Variants in TRDN observed in about 807,000 individuals in gnomAD.
TRDN encodes the protein triadin.
In TRDN, 161 loss-of-function variants were observed where a neutral mutation model predicts 149.7. That is an observed-to-expected ratio of 1.08 (90% CI 0.95 to 1.23). The LOEUF (loss-of-function observed/expected upper bound fraction) is 1.23. TRDN is among the 50% of genes most tolerant of loss of function. The probability of loss-of-function intolerance (pLI) is 0.00; values close to 1 mark genes in which losing one functional copy is unlikely to be tolerated. For missense variants in TRDN, 896 were observed against 823.5 expected (o/e 1.09, Z -1.08); for synonymous variants, 294 against 250.5 (o/e 1.17, Z -1.64).
intron 21 of TRDN, among the ~76,000 whole-genome samples, chr6:123,341,853 GT>G (rs1269520930): frequency 1.3e-5 from 2 of 152,054 alleles, no homozygotes; most frequent in East Asian, 3.9e-4. Flanking sequence ...TGTTAAAACA[GT>G]GACATATACA....
At chr6:123,341,492 G>A (rs1780061203) in intron 21 of TRDN, among the ~76,000 whole-genome samples, 1 of 151,402 alleles carries the variant, frequency 6.6e-6, no homozygotes, top group Non-Finnish European at 1.5e-5. Flanking sequence ...TTATTTCATA[G>A]TCTTTATATT....
At chr6:123,289,373 G>A (rs994644111) in intron 24 of TRDN, among the ~76,000 whole-genome samples, 1 of 151,914 alleles carries the variant, frequency 6.6e-6, no homozygotes, top group Non-Finnish European at 1.5e-5. Context: ...AGGGTGCAAA[G>A]TTTCAGTTAA....
chr6:123,582,507 T>C (rs2114583519), intron 1 of TRDN, among the ~76,000 whole-genome samples: 1 of 128,120 alleles, frequency 7.8e-6, no homozygotes, highest in African/African-American at 2.9e-5. Context: ...GGGGTTGTTC[T>C]CTGGCAGGCA....
chr6:123,381,980 T>TCTCTCTCTCTCA (rs1205520635), intron 15 of TRDN, 138 bp downstream of exon 15: 2 of 572,494 alleles, frequency 3.5e-6, no homozygotes, highest in African/African-American at 2.0e-5. Flanking sequence ...TCTCTCTCTC[T>TCTCTCTCTCTCA]CTCTCTCTCA....
At chr6:123,491,307 GAT>G (rs1409268762) in intron 9 of TRDN, among the ~76,000 whole-genome samples, 3 of 152,028 alleles carry the variant, frequency 2.0e-5, no homozygotes, top group African/African-American at 4.8e-5. Flanking sequence ...ACTTATTAAA[GAT>G]ATATTCAAAA....
At chr6:123,375,457 G>T in intron 19 of TRDN, 148 bp downstream of exon 19, 1 of 611,578 alleles carries the variant, frequency 1.6e-6, no homozygotes, top group Non-Finnish European at 2.8e-6. Flanking sequence ...ACAGGGATAA[G>T]TAATATTGCA....
chr6:123,499,719 A>AAAAAAAAAAAAAAAATATATATATATAT, intron 8 of TRDN, among the ~76,000 whole-genome samples: 8 of 47,664 alleles, frequency 1.7e-4, no homozygotes, highest in South Asian at 6.4e-4. Flanking sequence ...AAAAAAAAAA[A>AAAAAAAAAAAAAAAATATATATATATAT]ATATATATAT....
chr6:123,491,435 A>C (rs1214419333), intron 9 of TRDN, among the ~76,000 whole-genome samples: 3 of 152,190 alleles, frequency 2.0e-5, no homozygotes, highest in African/African-American at 7.2e-5. Context: ...CTTTGAAAAC[A>C]GGGAATATAA....
At chr6:123,561,380 C>G (rs891837015) in intron 2 of TRDN, among the ~76,000 whole-genome samples, 1 of 152,162 alleles carries the variant, frequency 6.6e-6, no homozygotes, top group Non-Finnish European at 1.5e-5. Context: ...AATACTTTTA[C>G]CACTTGCCCT....
In TRDN at chr6:123,465,176, T is replaced by G. The variant is rs116038231; in HGVS notation, c.854-193A>C. 1.1e-3 allele frequency among the ~76,000 whole-genome samples: 172 copies of G among 152,308 alleles called. 1 individual carries two copies. The highest frequency in any genetic ancestry group is 4.0e-3 in the African/African-American group (165 of 41,566). On this transcript the variant is annotated intron_variant, in intron 9 of 40. Coordinates refer to ENST00000334268, the MANE Select transcript of TRDN (RefSeq NM_006073.4). ...GAAGACACCTTCGCGGATTCAGTTA[T>G]CTTCAGAGCCATTTCTGAATATATT...
intron 38 of TRDN, among the ~76,000 whole-genome samples, chr6:123,240,768 C>T (rs1191380665): frequency 1.3e-5 from 2 of 151,802 alleles, no homozygotes; most frequent in Non-Finnish European, 3.0e-5. Context: ...ATGGGACTGG[C>T]ATATGTTGTA....
Position 123,558,947 on chromosome 6 carries a change from T to C in TRDN, c.233-10335A>G, listed in dbSNP as rs116370111. Among the ~76,000 whole-genome samples, 1,010 of 152,322 alleles carry C rather than the reference T, an allele frequency of 6.6e-3. 15 individuals are homozygous for C. The highest frequency in any genetic ancestry group is 0.022 in the African/African-American group (935 of 41,572). ...GAAATCCGGCCACTGGGCCAACAAA[T>C]GCCCATAGCCCAGGATTCCTCCTAA... On this transcript the variant is annotated intron_variant, in intron 2 of 40. Coordinates refer to ENST00000334268, the MANE Select transcript of TRDN (RefSeq NM_006073.4).
At chr6:123,440,314 C>T (rs749677357) in intron 10 of TRDN, among the ~76,000 whole-genome samples, 1 of 152,090 alleles carries the variant, frequency 6.6e-6, no homozygotes, top group Non-Finnish European at 1.5e-5. Context: ...AGTAGAAAGT[C>T]AAGAAGTCAA....
chr6:123,472,996 A>G (rs1777264873), intron 9 of TRDN, among the ~76,000 whole-genome samples: 1 of 152,216 alleles, frequency 6.6e-6, no homozygotes, highest in South Asian at 2.1e-4. Context: ...GATGGGGAAA[A>G]AACAGAACAG....
chr6:123,297,917 T>C (rs2114663200), intron 24 of TRDN, among the ~76,000 whole-genome samples: 1 of 152,134 alleles, frequency 6.6e-6, no homozygotes, highest in Non-Finnish European at 1.5e-5. Context: ...ACATTTCCTA[T>C]ATTAGTAAAT....
chr6:123,526,645 T>TA (rs1056476402), intron 5 of TRDN, among the ~76,000 whole-genome samples: 2 of 152,040 alleles, frequency 1.3e-5, no homozygotes, highest in African/African-American at 2.4e-5. Flanking sequence ...ATATTAGACA[T>TA]AAAAAATTAT....
At chr6:123,393,730 A>G in intron 12 of TRDN, 53 bp from the exon 13 acceptor site, 2 of 1,517,382 alleles carry the variant, frequency 1.3e-6, no homozygotes, top group Non-Finnish European at 1.8e-6. Flanking sequence ...GGAAAAATAT[A>G]TAAATAAAAA....
At chr6:123,559,783 A>T (rs1781879949) in intron 2 of TRDN, among the ~76,000 whole-genome samples, 1 of 152,110 alleles carries the variant, frequency 6.6e-6, no homozygotes, top group Admixed American at 6.5e-5. Flanking sequence ...TATCAACCAA[A>T]TTGTTTTGCC....
At chr6:123,333,745 C>T (rs1221208781) in intron 22 of TRDN, among the ~76,000 whole-genome samples, 2 of 152,070 alleles carry the variant, frequency 1.3e-5, no homozygotes, top group Non-Finnish European at 2.9e-5. Flanking sequence ...AGAGATACAT[C>T]AGTGGTTTGA....
Sources: allele counts gnomAD v4.1 joint callset (sites outside exome capture counted in the v4.1 genomes callset), GRCh38; gene constraint gnomAD v4.1.1; transcripts MANE v1.5; gene names NCBI Gene and HGNC (gene_info 2026-07-23, HGNC 2026-07-21).